Variants in ALPK2 observed in about 807,000 individuals in gnomAD.
The protein encoded by ALPK2 is alpha-protein kinase 2.
Under a neutral mutation model 163.1 loss-of-function variants are expected in ALPK2, and 127 were observed. That is an observed-to-expected ratio of 0.78 (90% CI 0.67 to 0.90). The LOEUF is 0.90. Among genes scored for constraint, ALPK2 ranks in the 40% least tolerant of loss-of-function variants. The pLI, the probability that ALPK2 is intolerant of heterozygous loss-of-function variation, is 0.00. For missense variants in ALPK2, 2,360 were observed against 2,589.6 expected (o/e 0.91, Z 1.92); for synonymous variants, 953 against 959.1 (o/e 0.99, Z 0.12).
At chr18:58,594,523 G>A (rs182474516) in intron 3 of ALPK2, among the ~76,000 whole-genome samples, 5 of 152,206 alleles carry the variant, frequency 3.3e-5, no homozygotes, top group Non-Finnish European at 5.9e-5. Context: ...TTGGGAGCAG[G>A]ACTAAGATGA....
intron 4 of ALPK2, chr18:58,544,548 A>G (rs1435350715): frequency 6.6e-6 from 1 of 152,266 alleles, no homozygotes; most frequent in Admixed American, 6.5e-5. Flanking sequence ...CAAGATGTAC[A>G]TAGATAACAA....
chr18:58,553,154 A>G (rs773722941), intron 4 of ALPK2, among the ~76,000 whole-genome samples: 1 of 152,200 alleles, frequency 6.6e-6, no homozygotes, highest in African/African-American at 2.4e-5. Flanking sequence ...TCAGACCTCC[A>G]GGGAAAACCA....
chr18:58,530,409 G>A (rs985631616), intron 5 of ALPK2, among the ~76,000 whole-genome samples: 2 of 152,238 alleles, frequency 1.3e-5, no homozygotes, highest in African/African-American at 4.8e-5. Context: ...ACCCGCATCA[G>A]TGCATTTGGG....
chr18:58,596,774 A>G (rs893068838), intron 3 of ALPK2, among the ~76,000 whole-genome samples: 3 of 152,202 alleles, frequency 2.0e-5, no homozygotes, highest in African/African-American at 7.2e-5. Context: ...CTCAGTGAAG[A>G]ACAGAACCCC....
chr18:58,558,159 C>T (rs1025394835), intron 4 of ALPK2, among the ~76,000 whole-genome samples: 2 of 152,120 alleles, frequency 1.3e-5, no homozygotes, highest in Non-Finnish European at 2.9e-5. Flanking sequence ...AGGTTTGGAA[C>T]AATTTGGATA....
intron 2 of ALPK2, among the ~76,000 whole-genome samples, chr18:58,610,042 T>G (rs1353750420): frequency 6.6e-6 from 1 of 151,862 alleles, no homozygotes; most frequent in African/African-American, 2.4e-5. Context: ...GGCTCACCCC[T>G]CTCCTCTCTG....
chr18:58,536,160 C>CG lies in ALPK2; in HGVS notation c.4026dup (p.Val1343ArgfsTer6), dbSNP rs1389100679. On this transcript the variant is annotated frameshift_variant, in exon 5 of 13. Transcript: ENST00000361673. ...AACTCCTTTTCATCTACAGGGTCCA[C>CG]GGATGACTCCAGGAGTCTGGGTTGG... is the stretch of plus-strand genomic sequence containing the variant. The CG allele has an allele frequency of 1.9e-6, 3 of 1,614,014 alleles. No individual in the cohort carries two copies. The South Asian group carries it at 3.3e-5, about 18-fold the overall frequency.
intron 12 of ALPK2, among the ~76,000 whole-genome samples, chr18:58,482,940 T>C (rs913761712): frequency 2.0e-5 from 3 of 152,174 alleles, no homozygotes; most frequent in Admixed American, 2.0e-4. Flanking sequence ...TAGTAGGCTA[T>C]TGCAGCTTGT....
chr18:58,515,909 C>T (rs764187023), intron 9 of ALPK2, among the ~76,000 whole-genome samples: 5 of 152,056 alleles, frequency 3.3e-5, no homozygotes, highest in African/African-American at 7.3e-5. Flanking sequence ...ACACCAGTGC[C>T]GGTGTAAACA....
At chr18:58,555,281 T>G (rs140586466) in intron 4 of ALPK2, among the ~76,000 whole-genome samples, 1 of 152,352 alleles carries the variant, frequency 6.6e-6, no homozygotes, top group East Asian at 1.9e-4. Flanking sequence ...TAACCTGCAC[T>G]TCTTTAAAAT....
At chr18:58,503,309 G>A (rs747380827) in intron 11 of ALPK2, among the ~76,000 whole-genome samples, 5 of 152,110 alleles carry the variant, frequency 3.3e-5, no homozygotes, top group Non-Finnish European at 7.3e-5. Context: ...AGAATATATT[G>A]CTGAGTTTAG....
intron 9 of ALPK2, 115 bp downstream of exon 9, chr18:58,516,793 G>T: frequency 1.6e-6 from 2 of 1,275,852 alleles, no homozygotes; most frequent in Non-Finnish European, 1.1e-6. Flanking sequence ...AACCCCAAAA[G>T]AGGAAAAACA....
intron 1 of ALPK2, among the ~76,000 whole-genome samples, chr18:58,615,555 A>G (rs1419968912): frequency 6.6e-6 from 1 of 152,250 alleles, no homozygotes; most frequent in Non-Finnish European, 1.5e-5. Flanking sequence ...ATTAGTTTTC[A>G]TAATGGTAAT....
intron 4 of ALPK2, among the ~76,000 whole-genome samples, chr18:58,573,102 C>A (rs111739821): frequency 0.01 from 1,582 of 151,790 alleles, 27 homozygotes; most frequent in African/African-American, 0.036. Flanking sequence ...CTAATGAATT[C>A]TCTTAAAAAC....
intron 4 of ALPK2, among the ~76,000 whole-genome samples, chr18:58,561,759 C>T (rs187705916): frequency 1.3e-5 from 2 of 152,320 alleles, no homozygotes; most frequent in Admixed American, 6.5e-5. Context: ...ACTTTCCTGA[C>T]TTCCAGATCC....
chr18:58,552,873 C>A lies in ALPK2; in HGVS notation c.1963-14649G>T, dbSNP rs2051767194. Among the ~76,000 whole-genome samples the A allele has an allele frequency of 1.3e-5, 2 of 152,052 alleles. 1 individual carries two copies. The highest frequency in any genetic ancestry group is 4.2e-4 in the South Asian group (2 of 4,818). On this transcript the variant is annotated intron_variant, in intron 4 of 12. Transcript: ENST00000361673. ...CGCAAAAATAGGTTCAAGTTCTAAC[C>A]CTTGGTACCTGAGAATGTGACTTTA...
intron 4 of ALPK2, among the ~76,000 whole-genome samples, chr18:58,542,441 G>A (rs995006255): frequency 7.9e-5 from 12 of 152,198 alleles, no homozygotes; most frequent in African/African-American, 2.7e-4. Context: ...CATCTGATCC[G>A]TAAAATAAAT....
intron 4 of ALPK2, chr18:58,578,116 T>G (rs1257290854): frequency 6.6e-6 from 1 of 152,236 alleles, no homozygotes; most frequent in African/African-American, 2.4e-5. Flanking sequence ...TTCCATCTCT[T>G]TACACTCCCA....
intron 4 of ALPK2, among the ~76,000 whole-genome samples, chr18:58,558,465 A>G (rs996759663): frequency 4.6e-5 from 7 of 152,260 alleles, no homozygotes; most frequent in African/African-American, 1.7e-4. Context: ...GTGTCTTACC[A>G]TCATACACTG....
Sources: allele counts gnomAD v4.1 joint callset (sites outside exome capture counted in the v4.1 genomes callset), GRCh38; gene constraint gnomAD v4.1.1; transcripts MANE v1.5; gene names NCBI Gene and HGNC (gene_info 2026-07-23, HGNC 2026-07-21).